The following CXCL17 variants were observed in gnomAD, a reference collection of about 807,000 sequenced individuals.
CXCL17 encodes the protein C-X-C motif chemokine ligand 17.
Under a neutral mutation model 15.5 loss-of-function variants are expected in CXCL17, and 9 were observed. The ratio of observed to expected loss-of-function variants is 0.58; its 90% CI spans 0.35 to 1.01. The LOEUF (loss-of-function observed/expected upper bound fraction) is 1.01. CXCL17 is among the 50% of genes least tolerant of loss of function. The pLI, the probability that CXCL17 is intolerant of heterozygous loss-of-function variation, is 0.02. For synonymous variants in CXCL17, 52 were observed against 52.3 expected (o/e 0.99, Z 0.02); for missense variants, 133 against 138.2 (o/e 0.96, Z 0.19).
intron 3 of CXCL17, among the ~76,000 whole-genome samples, chr19:42,431,633 A>G (rs2040782286): frequency 6.6e-6 from 1 of 150,848 alleles, no homozygotes; most frequent in African/African-American, 2.4e-5. Flanking sequence ...TCATTAATAT[A>G]TTGTGGATAT....
At chr19:42,436,844 TGAGA>T (rs1416144516) in intron 1 of CXCL17, among the ~76,000 whole-genome samples, 1 of 152,206 alleles carries the variant, frequency 6.6e-6, no homozygotes, top group Non-Finnish European at 1.5e-5. Context: ...ATTATTTTCT[TGAGA>T]GAGAGTTCCC....
At chr19:42,437,337 C>G (rs2040843973) in intron 1 of CXCL17, among the ~76,000 whole-genome samples, 1 of 152,084 alleles carries the variant, frequency 6.6e-6, no homozygotes, top group South Asian at 2.1e-4. Context: ...TTAGTTTTTT[C>G]CTAACATGCA....
chr19:42,430,036 G>A (rs1237192286), intron 3 of CXCL17, among the ~76,000 whole-genome samples: 3 of 151,988 alleles, frequency 2.0e-5, no homozygotes, highest in East Asian at 1.9e-4. Context: ...GCATGGTGGC[G>A]TGTACCTGTG....
intron 1 of CXCL17, among the ~76,000 whole-genome samples, chr19:42,434,449 G>A (rs1439717758): frequency 6.6e-6 from 1 of 152,070 alleles, no homozygotes; most frequent in East Asian, 1.9e-4. Flanking sequence ...TGTTTTTTGA[G>A]ACAGAGTCTC....
chr19:42,432,896 T>A (rs2040797127), intron 3 of CXCL17, 80 bp downstream of exon 3: 12 of 1,051,180 alleles, frequency 1.1e-5, no homozygotes, highest in Non-Finnish European at 1.5e-5. Context: ...CACCTCTTTT[T>A]TCTATTCTCA....
intron 3 of CXCL17, among the ~76,000 whole-genome samples, chr19:42,431,208 C>G (rs541787374): frequency 6.6e-6 from 1 of 152,300 alleles, no homozygotes; most frequent in East Asian, 1.9e-4. Flanking sequence ...TGTTTATTAG[C>G]TGTTTGGGTT....
Position 42,433,770 on chromosome 19 carries a change from AC to A in CXCL17, c.160+5del. 1 of 1,613,150 alleles carries A rather than the reference AC, an allele frequency of 6.2e-7. No individual in the cohort carries two copies. Among genetic ancestry groups the A allele is most frequent in the Non-Finnish European group, 8.5e-7 (1 of 1,179,240 alleles). ...CCATCGCTGTTGTTGTTGCTGAATTACTGACCTTTGCACTCACATTCTTGGC... is the reference window on the plus strand; with the variant it reads ...CCATCGCTGTTGTTGTTGCTGAATTATGACCTTTGCACTCACATTCTTGGC... On this transcript the variant is annotated splice_donor_5th_base_variant and intron_variant, in intron 2 of 3. Transcript: ENST00000601181.
intron 1 of CXCL17, among the ~76,000 whole-genome samples, chr19:42,439,157 G>T (rs972235581): frequency 1.3e-5 from 2 of 150,788 alleles, no homozygotes; most frequent in African/African-American, 4.9e-5. Context: ...AGGAGGCTGA[G>T]GTGGGAGGAT....
chr19:42,435,363 T>C (rs181972633), intron 1 of CXCL17, among the ~76,000 whole-genome samples: 123 of 152,250 alleles, frequency 8.1e-4, no homozygotes, highest in Non-Finnish European at 1.0e-3. Context: ...TGCACTGTAA[T>C]GTTGTTGTTT....
chr19:42,429,925 T>C (rs1053773061), intron 3 of CXCL17, among the ~76,000 whole-genome samples: 8 of 152,184 alleles, frequency 5.3e-5, no homozygotes, highest in African/African-American at 1.7e-4. Context: ...CTCAGCACTT[T>C]GGGAGGCCGA....
At chr19:42,437,556 G>A (rs1480887375) in intron 1 of CXCL17, among the ~76,000 whole-genome samples, 2 of 152,186 alleles carry the variant, frequency 1.3e-5, no homozygotes, top group Non-Finnish European at 2.9e-5. Context: ...GTGAAAGGAG[G>A]GTGGTAAAAT....
chr19:42,441,892 A>G (rs1321482425), intron 1 of CXCL17, among the ~76,000 whole-genome samples: 3 of 152,202 alleles, frequency 2.0e-5, no homozygotes, highest in South Asian at 2.1e-4. Flanking sequence ...AGGGCTTGCT[A>G]TGGATAAAGC....
chr19:42,434,244 AG>A (rs1335338637), intron 1 of CXCL17, among the ~76,000 whole-genome samples: 1 of 152,216 alleles, frequency 6.6e-6, no homozygotes, highest in East Asian at 1.9e-4. Flanking sequence ...GCTTAGCTGA[AG>A]GTAGGTGGAG....
intron 1 of CXCL17, among the ~76,000 whole-genome samples, chr19:42,442,181 G>A (rs980546203): frequency 6.6e-6 from 1 of 150,968 alleles, no homozygotes; most frequent in Non-Finnish European, 1.5e-5. Context: ...GTACGTGTGT[G>A]TGAGGGGGAT....
intron 1 of CXCL17, among the ~76,000 whole-genome samples, chr19:42,441,835 G>T (rs1365335481): frequency 6.6e-6 from 1 of 152,182 alleles, no homozygotes; most frequent in South Asian, 2.1e-4. Flanking sequence ...AGCAGATTTG[G>T]AACCCCTAAG....
chr19:42,433,812 A>G lies in CXCL17; in HGVS notation c.124T>C (p.Trp42Arg), dbSNP rs2040807682. Reference sequence around the variant, plus strand: ...CATTCTTGGCCGCCTTCCTGGAGCCATCTCCTAGAAGCCTGGCCTCGGTCC... The same window carrying G: ...CATTCTTGGCCGCCTTCCTGGAGCCGTCTCCTAGAAGCCTGGCCTCGGTCC... ...HRDRGQASRR[W>R]LQEGGQECEC... Residue 42 changes from tryptophan to arginine, a missense_variant, in exon 2 of 4, where the codon TGG becomes CGG. Physicochemically the swap from Trp to Arg is moderately radical, Grantham distance 101. Coordinates refer to ENST00000601181, the MANE Select transcript of CXCL17 (RefSeq NM_198477.3). The G allele has an allele frequency of 6.2e-7, 1 of 1,614,064 alleles. No homozygotes were observed. Among genetic ancestry groups the G allele is most frequent in the Non-Finnish European group, 8.5e-7 (1 of 1,179,994 alleles).
chr19:42,441,746 G>A (rs1197902935), intron 1 of CXCL17, among the ~76,000 whole-genome samples: 3 of 152,180 alleles, frequency 2.0e-5, no homozygotes, highest in Non-Finnish European at 4.4e-5. Flanking sequence ...GTGCTCACAA[G>A]CGGAAATATA....
intron 3 of CXCL17, among the ~76,000 whole-genome samples, chr19:42,430,928 C>T (rs2040773875): frequency 6.6e-6 from 1 of 152,078 alleles, no homozygotes; most frequent in African/African-American, 2.4e-5. Context: ...ACCTCTGCCT[C>T]CCGGGTTCAA....
chr19:42,431,944 G>C (rs1050359976), intron 3 of CXCL17, among the ~76,000 whole-genome samples: 1 of 148,560 alleles, frequency 6.7e-6, no homozygotes, highest in African/African-American at 2.6e-5. Context: ...TAATATTCTT[G>C]TACCTATATT....
Sources: gnomAD v4.1 joint callset for allele counts (sites outside exome capture counted in the v4.1 genomes callset) on GRCh38, gnomAD v4.1.1 for gene constraint, MANE v1.5 for transcripts, NCBI Gene and HGNC (gene_info 2026-07-23, HGNC 2026-07-21) for gene names.